The following GLIS3 variants were observed in gnomAD, a reference collection of about 807,000 sequenced individuals.
GLIS3 encodes the protein GLIS family zinc finger 3.
Under a neutral mutation model 78.6 loss-of-function variants are expected in GLIS3, and 53 were observed. The observed-to-expected ratio is 0.67, with a 90% confidence interval of 0.54 to 0.85. GLIS3 has a LOEUF of 0.85. Among genes scored for constraint, GLIS3 ranks in the 40% least tolerant of loss-of-function variants. The probability of loss-of-function intolerance (pLI) is 0.00; values close to 1 mark genes in which losing one functional copy is unlikely to be tolerated. For synonymous variants in GLIS3, 684 were observed against 509.9 expected (o/e 1.34, Z -4.60); for missense variants, 1,703 against 1,231.1 (o/e 1.38, Z -5.74).
the GLIS3 span, among the ~76,000 whole-genome samples, chr9:4,362,586 C>A: frequency 6.6e-6 from 1 of 152,208 alleles, no homozygotes; most frequent in Non-Finnish European, 1.5e-5. Flanking sequence ...TGCTCATGGT[C>A]ATGTGTTTGC....
intron 8 of GLIS3, among the ~76,000 whole-genome samples, chr9:3,867,315 A>C (rs927802843): frequency 6.6e-5 from 10 of 152,336 alleles, no homozygotes; most frequent in Admixed American, 1.3e-4. Context: ...AAAGAAAGCA[A>C]CCAATGTCAT....
At chr9:3,971,357 C>T (rs937539535) in intron 4 of GLIS3, among the ~76,000 whole-genome samples, 2 of 152,158 alleles carry the variant, frequency 1.3e-5, no homozygotes, top group African/African-American at 4.8e-5. Flanking sequence ...AGCCCTTACT[C>T]GGTTGAGGGA....
chr9:3,957,558 C>G (rs1817217388), intron 4 of GLIS3, among the ~76,000 whole-genome samples: 1 of 152,174 alleles, frequency 6.6e-6, no homozygotes, highest in South Asian at 2.1e-4. Flanking sequence ...GCAGTACTGA[C>G]ATAGAAAATT....
intron 4 of GLIS3, among the ~76,000 whole-genome samples, chr9:4,106,275 T>C (rs1029202610): frequency 1.3e-5 from 2 of 152,196 alleles, no homozygotes; most frequent in African/African-American, 4.8e-5. Flanking sequence ...AAAGCAGCTT[T>C]GTTTCTGTAT....
chr9:4,387,468 C>T, the GLIS3 span, among the ~76,000 whole-genome samples: 6 of 152,108 alleles, frequency 3.9e-5, no homozygotes, highest in Non-Finnish European at 5.9e-5. Context: ...CAGCTCTTGT[C>T]GTTCAAATTG....
chr9:4,090,314 G>A lies in GLIS3; in HGVS notation c.1710+27454C>T, dbSNP rs185562500. Among the ~76,000 whole-genome samples, 86 of 152,230 alleles carry A rather than the reference G, an allele frequency of 5.6e-4. 2 individuals are homozygous for A. Among genetic ancestry groups the A allele is most frequent in the African/African-American group, 2.0e-3 (81 of 41,522 alleles). ...CTGGCTCAATATATATTTGATTTGA[G>A]TTTAAGAAAAGCCCTTGAATTCATT... On this transcript the variant is annotated intron_variant, in intron 4 of 10. Transcript: ENST00000381971.
At chr9:4,129,780 C>A (rs1161655437) in intron 2 of GLIS3, among the ~76,000 whole-genome samples, 1 of 152,090 alleles carries the variant, frequency 6.6e-6, no homozygotes, top group African/African-American at 2.4e-5. Flanking sequence ...TACCATGATA[C>A]CTGAAAATGT....
chr9:4,336,342 G>A (rs1563937417), intron 2 of GLIS3, among the ~76,000 whole-genome samples: 2 of 152,180 alleles, frequency 1.3e-5, no homozygotes, highest in Non-Finnish European at 2.9e-5. Context: ...TGGTGCTGCT[G>A]TAACTAGCAT....
At chr9:4,107,862 CATTTT>C (rs1195694766) in intron 4 of GLIS3, among the ~76,000 whole-genome samples, 6 of 151,808 alleles carry the variant, frequency 4.0e-5, no homozygotes, top group Non-Finnish European at 5.9e-5. Flanking sequence ...TTATTTTTAA[CATTTT>C]ATTATGGGAA....
chr9:3,961,345 C>G (rs1028329015), intron 4 of GLIS3, among the ~76,000 whole-genome samples: 2 of 152,148 alleles, frequency 1.3e-5, no homozygotes, highest in Non-Finnish European at 2.9e-5. Flanking sequence ...TGAATAAATG[C>G]TTGGAATACA....
chr9:4,427,123 T>C, the GLIS3 span, among the ~76,000 whole-genome samples: 1 of 152,190 alleles, frequency 6.6e-6, no homozygotes, highest in Non-Finnish European at 1.5e-5. Flanking sequence ...CAGACAGTAG[T>C]GTTGCCATCT....
the GLIS3 span, among the ~76,000 whole-genome samples, chr9:4,394,479 G>C: frequency 3.3e-5 from 5 of 152,110 alleles, no homozygotes; most frequent in Non-Finnish European, 1.5e-5. Context: ...CATTATGGTT[G>C]CAGTTCTTGA....
At chr9:4,338,296 A>G (rs1817783358) in intron 2 of GLIS3, among the ~76,000 whole-genome samples, 1 of 151,954 alleles carries the variant, frequency 6.6e-6, no homozygotes, top group African/African-American at 2.4e-5. Flanking sequence ...AGACCTACTG[A>G]ATGAGACTTT....
intron 2 of GLIS3, among the ~76,000 whole-genome samples, chr9:4,334,248 A>C (rs1055054195): frequency 6.6e-6 from 1 of 152,204 alleles, no homozygotes; most frequent in Non-Finnish European, 1.5e-5. Context: ...GCAGGTTCTA[A>C]ATCTGTTTCC....
chr9:4,316,645 G>T (rs1342841279), intron 2 of GLIS3, among the ~76,000 whole-genome samples: 1 of 152,298 alleles, frequency 6.6e-6, no homozygotes, highest in South Asian at 2.1e-4. Context: ...GTGTGAGTAA[G>T]CGTAGGCATG....
chr9:4,469,577 T>C, the GLIS3 span, among the ~76,000 whole-genome samples: 1 of 152,186 alleles, frequency 6.6e-6, no homozygotes, highest in Non-Finnish European at 1.5e-5. Context: ...AAAGATGTTC[T>C]TTGAAACCAA....
chr9:4,407,999 G>A, the GLIS3 span, among the ~76,000 whole-genome samples: 3 of 152,056 alleles, frequency 2.0e-5, no homozygotes, highest in Admixed American at 2.0e-4. Flanking sequence ...AATGGCCAAT[G>A]TATATAAAAA....
chr9:3,976,255 AG>A (rs531467380), intron 4 of GLIS3, among the ~76,000 whole-genome samples: 268 of 152,158 alleles, frequency 1.8e-3, no homozygotes, highest in South Asian at 3.3e-3. Flanking sequence ...AGAAGATGAG[AG>A]GGGAGGCAGG....
chr9:4,339,164 G>T (rs1355273731), intron 2 of GLIS3, among the ~76,000 whole-genome samples: 1 of 152,194 alleles, frequency 6.6e-6, no homozygotes, highest in African/African-American at 2.4e-5. Flanking sequence ...TATATATTTG[G>T]TGGCATAGAT....
Sources: allele counts gnomAD v4.1 joint callset (sites outside exome capture counted in the v4.1 genomes callset), GRCh38; gene constraint gnomAD v4.1.1; transcripts MANE v1.5; gene names NCBI Gene and HGNC (gene_info 2026-07-23, HGNC 2026-07-21).